RBM46: variants seen among roughly 807,000 people sequenced by gnomAD.
The protein encoded by RBM46 is probable RNA-binding protein 46.
In RBM46, 12 loss-of-function variants were observed where a neutral mutation model predicts 43.3. The ratio of observed to expected loss-of-function variants is 0.28; its 90% CI spans 0.18 to 0.45. RBM46 has a LOEUF of 0.45. Ranked by LOEUF, RBM46 falls within the 20% of genes least tolerant of loss-of-function variation. The pLI is 1.00. For synonymous variants in RBM46, 205 were observed against 207.6 expected (o/e 0.99, Z 0.11); for missense variants, 412 against 639.1 (o/e 0.64, Z 3.83).
intron 4 of RBM46, among the ~76,000 whole-genome samples, chr4:154,802,869 T>A (rs1417382893): frequency 6.6e-6 from 1 of 152,232 alleles, no homozygotes; most frequent in East Asian, 1.9e-4. Context: ...AATCTTAACC[T>A]TGATGATCTT....
At chr4:154,813,899 T>G (rs1407198308) in intron 4 of RBM46, among the ~76,000 whole-genome samples, 2 of 152,058 alleles carry the variant, frequency 1.3e-5, no homozygotes, top group East Asian at 1.9e-4. Flanking sequence ...GAAAATAATT[T>G]TTATCTTTCA....
intron 4 of RBM46, among the ~76,000 whole-genome samples, chr4:154,800,913 T>G (rs1734602202): frequency 6.6e-6 from 1 of 152,212 alleles, no homozygotes; most frequent in South Asian, 2.1e-4. Flanking sequence ...AGAATAATTT[T>G]TATATATTGT....
intron 4 of RBM46, chr4:154,820,253 T>G (rs943105537): frequency 8.9e-6 from 5 of 563,664 alleles, no homozygotes; most frequent in Non-Finnish European, 1.4e-5. Context: ...GTTTTTTTAT[T>G]TACTGATCAA....
chr4:154,792,287 CATT>C (rs1348514843), intron 1 of RBM46, among the ~76,000 whole-genome samples: 2 of 152,058 alleles, frequency 1.3e-5, no homozygotes, highest in Non-Finnish European at 2.9e-5. Context: ...AAGTGCGTGT[CATT>C]ATATGTGGTA....
chr4:154,808,226 C>G (rs1277332436), intron 4 of RBM46, among the ~76,000 whole-genome samples: 1 of 151,896 alleles, frequency 6.6e-6, no homozygotes, highest in Non-Finnish European at 1.5e-5. Flanking sequence ...GGGATTGGCA[C>G]TTATTTAAAT....
At chr4:154,797,255 G>C (rs1734400845) in intron 2 of RBM46, among the ~76,000 whole-genome samples, 1 of 152,142 alleles carries the variant, frequency 6.6e-6, no homozygotes, top group African/African-American at 2.4e-5. Flanking sequence ...GTTTAAACTA[G>C]AAAACCAAAT....
intron 4 of RBM46, among the ~76,000 whole-genome samples, chr4:154,817,916 C>G (rs1218163176): frequency 1.3e-5 from 2 of 151,982 alleles, no homozygotes; most frequent in Non-Finnish European, 1.5e-5. Context: ...AGTCCTTACT[C>G]TATAAATGCC....
chr4:154,822,497 A>C (rs1468534247), intron 4 of RBM46, among the ~76,000 whole-genome samples: 1 of 151,636 alleles, frequency 6.6e-6, no homozygotes, highest in Non-Finnish European at 1.5e-5. Flanking sequence ...ATTTATGCTT[A>C]TATGATATTT....
intron 1 of RBM46, among the ~76,000 whole-genome samples, chr4:154,783,166 A>C (rs1365880398): frequency 6.6e-6 from 1 of 152,248 alleles, no homozygotes; most frequent in Non-Finnish European, 1.5e-5. Flanking sequence ...TGCTGCCTGC[A>C]ATCACTAAAT....
chr4:154,827,642 C>T (rs1736027196), intron 4 of RBM46: 3 of 1,336,508 alleles, frequency 2.2e-6, no homozygotes, highest in Non-Finnish European at 1.9e-6. Flanking sequence ...CTGGTAAGAT[C>T]TCTGAAACAT....
At chr4:154,812,190 G>A (rs1383086336) in intron 4 of RBM46, among the ~76,000 whole-genome samples, 1 of 152,090 alleles carries the variant, frequency 6.6e-6, no homozygotes, top group Non-Finnish European at 1.5e-5. Flanking sequence ...CAGTGGACTT[G>A]TGAAATATTA....
chr4:154,794,980 C>A (rs1734279877), intron 1 of RBM46, among the ~76,000 whole-genome samples: 1 of 151,854 alleles, frequency 6.6e-6, no homozygotes, highest in South Asian at 2.1e-4. Flanking sequence ...TAATAATATC[C>A]CAGATGTAAG....
chr4:154,794,507 A>C (rs1560894479), intron 1 of RBM46, among the ~76,000 whole-genome samples: 1 of 152,056 alleles, frequency 6.6e-6, no homozygotes, highest in East Asian at 1.9e-4. Flanking sequence ...TGACTTCCCC[A>C]TGCAACAGCC....
At chr4:154,821,123 A>G (rs897672125) in intron 4 of RBM46, among the ~76,000 whole-genome samples, 1 of 151,834 alleles carries the variant, frequency 6.6e-6, no homozygotes, top group East Asian at 1.9e-4. Context: ...ATCACTTAAT[A>G]ATATTGCCAT....
intron 4 of RBM46, among the ~76,000 whole-genome samples, chr4:154,809,416 GT>G (rs1735072990): frequency 6.6e-6 from 1 of 151,674 alleles, no homozygotes; most frequent in Non-Finnish European, 1.5e-5. Flanking sequence ...TTTAATTTTA[GT>G]TTTTTTATTC....
intron 1 of RBM46, among the ~76,000 whole-genome samples, chr4:154,793,913 G>A (rs940799767): frequency 1.3e-5 from 2 of 152,156 alleles, no homozygotes; most frequent in South Asian, 2.1e-4. Context: ...TTGAGTGATC[G>A]TTTGATATTC....
At chr4:154,797,789 T>C (rs1734425468) in intron 2 of RBM46, 22 bp from the exon 3 acceptor site, 2 of 1,423,104 alleles carry the variant, frequency 1.4e-6, no homozygotes, top group African/African-American at 2.9e-5. Flanking sequence ...AATTTATGTG[T>C]CTTTTCATTT....
chr4:154,814,172 T>G (rs1735316590), intron 4 of RBM46, among the ~76,000 whole-genome samples: 1 of 151,974 alleles, frequency 6.6e-6, no homozygotes, highest in Non-Finnish European at 1.5e-5. Context: ...TATAAAACAT[T>G]TAATGATACC....
intron 4 of RBM46, among the ~76,000 whole-genome samples, chr4:154,818,659 A>C (rs1462181384): frequency 2.0e-5 from 3 of 151,074 alleles, no homozygotes; most frequent in Non-Finnish European, 4.4e-5. Flanking sequence ...TTGTGTTTTC[A>C]AATACTGCAT....
Sources: gnomAD v4.1 joint callset for allele counts (sites outside exome capture counted in the v4.1 genomes callset) on GRCh38, gnomAD v4.1.1 for gene constraint, MANE v1.5 for transcripts, NCBI Gene and HGNC (gene_info 2026-07-23, HGNC 2026-07-21) for gene names.